Variants in RCBTB1 observed in about 807,000 individuals in gnomAD.
The protein encoded by RCBTB1 is RCC1 and BTB domain containing protein 1.
A neutral mutation model predicts 62.4 loss-of-function variants in RCBTB1; 46 were observed. That is an observed-to-expected ratio of 0.74 (90% confidence interval 0.58 to 0.94). RCBTB1 has a LOEUF of 0.94. Ranked by LOEUF, RCBTB1 falls within the 40% of genes least tolerant of loss-of-function variation. The pLI is 0.00. For synonymous variants in RCBTB1, 222 were observed against 245.8 expected (o/e 0.90, Z 0.91); for missense variants, 565 against 654.9 (o/e 0.86, Z 1.50).
intron 3 of RCBTB1, among the ~76,000 whole-genome samples, 161 bp from the exon 4 acceptor site, chr13:49,566,929 T>G (rs764639189): frequency 9.2e-5 from 14 of 152,190 alleles, no homozygotes; most frequent in Non-Finnish European, 1.2e-4. Flanking sequence ...GGACATTGCT[T>G]ACGTTTCAGA....
chr13:49,582,352 T>C (rs1021503400), intron 1 of RCBTB1, among the ~76,000 whole-genome samples: 3 of 152,100 alleles, frequency 2.0e-5, no homozygotes, highest in Middle Eastern at 3.2e-3. Flanking sequence ...CTGGGCATAG[T>C]GGTGGGTGCC....
chr13:49,544,903 G>T, intron 9 of RCBTB1, 40 bp from the exon 10 acceptor site: 1 of 1,535,282 alleles, frequency 6.5e-7, no homozygotes, highest in South Asian at 1.2e-5. Flanking sequence ...CAAGTTCAAG[G>T]AACAGATTGA....
chr13:49,582,947 C>T (rs1313219093), intron 1 of RCBTB1, among the ~76,000 whole-genome samples: 1 of 152,070 alleles, frequency 6.6e-6, no homozygotes, highest in East Asian at 1.9e-4. Context: ...GAGGCCAAGG[C>T]GGGAGGACTG....
intron 10 of RCBTB1, among the ~76,000 whole-genome samples, chr13:49,543,067 G>A (rs779258513): frequency 2.0e-5 from 3 of 152,068 alleles, no homozygotes; most frequent in African/African-American, 4.8e-5. Flanking sequence ...GTTTGAGACC[G>A]GCCTGGCCAA....
intron 2 of RCBTB1, among the ~76,000 whole-genome samples, chr13:49,572,130 C>T (rs929383809): frequency 6.6e-6 from 1 of 151,962 alleles, no homozygotes; most frequent in Non-Finnish European, 1.5e-5. Flanking sequence ...AGTTTGAGAC[C>T]AGCCTAGATG....
At chr13:49,568,026 C>T (rs540367389) in intron 2 of RCBTB1, among the ~76,000 whole-genome samples, 1 of 152,320 alleles carries the variant, frequency 6.6e-6, no homozygotes, top group East Asian at 1.9e-4. Context: ...GTCTCCTTAT[C>T]ATCCCTCCCT....
intron 2 of RCBTB1, among the ~76,000 whole-genome samples, chr13:49,579,879 A>C (rs1316873310): frequency 6.6e-6 from 1 of 152,234 alleles, no homozygotes; most frequent in African/African-American, 2.4e-5. Context: ...GGAAAATGTA[A>C]GTTCCTACAA....
chr13:49,564,762 G>C (rs1962780097), intron 4 of RCBTB1, among the ~76,000 whole-genome samples: 1 of 151,616 alleles, frequency 6.6e-6, no homozygotes, highest in Non-Finnish European at 1.5e-5. Flanking sequence ...ATGGTGGCGG[G>C]CGCCAGTAGT....
At chr13:49,551,192 A>AG in intron 8 of RCBTB1, 134 bp downstream of exon 8, 1 of 954,384 alleles carries the variant, frequency 1.0e-6, no homozygotes, top group South Asian at 1.7e-5. Context: ...GGAGAAGGGA[A>AG]GGTTATCTCT....
intron 10 of RCBTB1, among the ~76,000 whole-genome samples, chr13:49,543,090 TTG>T (rs1465938050): frequency 6.6e-6 from 1 of 152,028 alleles, no homozygotes; most frequent in Non-Finnish European, 1.5e-5. Flanking sequence ...TGGCGAAACT[TTG>T]TCTCTACTTA....
chr13:49,551,446 G>C lies in RCBTB1; in HGVS notation c.734C>G (p.Thr245Ser), dbSNP rs577127099. The change falls in exon 8 of 13, where the codon ACT becomes AGT. Residue 245 changes from threonine (T) to serine (S), a missense_variant. Physicochemically the swap from Thr to Ser is moderately conservative, Grantham distance 58. Coordinates refer to ENST00000378302, the MANE Select transcript of RCBTB1 (RefSeq NM_018191.4). ...VNQIVCGYAH[T>S]LALTDEGLLY... The stretch of plus-strand genomic sequence containing the variant: ...CAAGCCCTCATCTGTTAGTGCTAGA[G>C]TATGTGCGTAACCGCAGACAATCTG... 2.5e-6 allele frequency: 4 copies of C among 1,614,216 alleles called. No homozygotes were observed. Among genetic ancestry groups the C allele is most frequent in the Non-Finnish European group, 3.4e-6 (4 of 1,180,022 alleles).
intron 12 of RCBTB1, among the ~76,000 whole-genome samples, chr13:49,534,990 C>T (rs1206413500): frequency 2.0e-5 from 3 of 149,202 alleles, no homozygotes; most frequent in African/African-American, 5.0e-5. Context: ...GCCGAGATCG[C>T]ACCACTGCAC....
At chr13:49,568,915 G>A (rs903142292) in intron 2 of RCBTB1, among the ~76,000 whole-genome samples, 16 of 152,158 alleles carry the variant, frequency 1.1e-4, no homozygotes, top group East Asian at 3.8e-4. Flanking sequence ...GTGACAGAGC[G>A]AGACTCTGTC....
intron 7 of RCBTB1, 111 bp from the exon 8 acceptor site, chr13:49,551,579 G>A: frequency 3.3e-6 from 4 of 1,209,978 alleles, no homozygotes; most frequent in Non-Finnish European, 4.6e-6. Context: ...ATCATCAGGG[G>A]TGGACTGACA....
chr13:49,568,212 G>A (rs1963156805), intron 2 of RCBTB1, among the ~76,000 whole-genome samples: 1 of 152,068 alleles, frequency 6.6e-6, no homozygotes, highest in Admixed American at 6.6e-5. Context: ...TTCTATATTA[G>A]CACACATAGA....
chr13:49,548,402 A>G (rs1394418603), intron 9 of RCBTB1, among the ~76,000 whole-genome samples: 1 of 151,580 alleles, frequency 6.6e-6, no homozygotes, highest in Non-Finnish European at 1.5e-5. Context: ...AAAAAAAAAA[A>G]AAAGAAAAGA....
rs1744210796 is a variant in RCBTB1 at position 49,564,994 on chromosome 13, G to GTCCCGC, written c.277+1618_277+1623dup. 3.9e-5 allele frequency among the ~76,000 whole-genome samples: 6 copies of GTCCCGC among 152,086 alleles called. No individual in the cohort carries two copies. The South Asian group carries it at 1.0e-3, about 26-fold the overall frequency. ...GCTATTAAGGAATAGGATTGCAGCT[G>GTCCCGC]TCCCGCTCCCGCTCCCATTCCCACT... is the stretch of plus-strand genomic sequence containing the variant. On this transcript the variant is annotated intron_variant, in intron 4 of 12. Coordinates refer to ENST00000378302, the MANE Select transcript of RCBTB1 (RefSeq NM_018191.4).
intron 2 of RCBTB1, among the ~76,000 whole-genome samples, chr13:49,570,253 C>T (rs1963308634): frequency 6.6e-6 from 1 of 152,174 alleles, no homozygotes; most frequent in South Asian, 2.1e-4. Flanking sequence ...GGCAACTCTG[C>T]CCTAAGGGTT....
At position 49,567,154 on chromosome 13, in the gene RCBTB1, C is replaced by T. The variant is rs747566009; in HGVS notation, c.126G>A (p.Glu42=). The change falls in exon 3 of 13, where the codon GAG becomes GAA. Residue 42 remains glutamate (E), a splice_region_variant and synonymous_variant. Coordinates refer to ENST00000378302, the MANE Select transcript of RCBTB1 (RefSeq NM_018191.4). ...SEALYVTDND[E]VFVFGLNYSN... is the part of the protein sequence containing the mutation. The stretch of plus-strand genomic sequence containing the variant: ...AAACTAGGTTTCAAGAGACTCTTAC[C>T]TCATCATTGTCAGTAACGTACAGTG... The T allele has an allele frequency of 1.9e-6, 3 of 1,613,802 alleles. No individual in the cohort carries two copies. In the African/African-American group the frequency reaches 4.0e-5, roughly 22 times the overall value.
Sources: gnomAD v4.1 joint callset for allele counts (sites outside exome capture counted in the v4.1 genomes callset) on GRCh38, gnomAD v4.1.1 for gene constraint, MANE v1.5 for transcripts, NCBI Gene and HGNC (gene_info 2026-07-23, HGNC 2026-07-21) for gene names.